The following IL1RAPL2 variants were observed in gnomAD, a reference collection of about 807,000 sequenced individuals.
IL1RAPL2 encodes the protein interleukin 1 receptor accessory protein like 2, also known as X-linked interleukin-1 receptor accessory protein-like 2.
IL1RAPL2 carries 3 observed loss-of-function variants against 44.1 expected under a neutral mutation model. That is an observed-to-expected ratio of 0.07 (90% CI 0.03 to 0.18). The LOEUF (loss-of-function observed/expected upper bound fraction) is 0.18. Ranked by LOEUF, IL1RAPL2 falls within the 10% of genes least tolerant of loss-of-function variation. IL1RAPL2 has a pLI of 1.00. For synonymous variants in IL1RAPL2, 181 were observed against 178.8 expected (o/e 1.01, Z -0.10); for missense variants, 391 against 496.4 (o/e 0.79, Z 2.02).
intron 2 of IL1RAPL2, among the ~76,000 whole-genome samples, chrX:104,769,124 T>G (rs1569311296): frequency 9.0e-6 from 1 of 111,718 alleles, no homozygotes; most frequent in Non-Finnish European, 1.9e-5. Context: ...TTCCCTAACA[T>G]TCCTTCCAGG....
intron 2 of IL1RAPL2, among the ~76,000 whole-genome samples, chrX:104,991,419 T>C: frequency 9.0e-6 from 1 of 110,592 alleles, no homozygotes; most frequent in Non-Finnish European, 1.9e-5. Context: ...AAAATTGAGA[T>C]AATAAGCAGA....
chrX:105,753,515 G>A (rs1404049082), intron 9 of IL1RAPL2, among the ~76,000 whole-genome samples: 1 of 111,385 alleles, frequency 9.0e-6, no homozygotes, highest in Non-Finnish European at 1.9e-5. Flanking sequence ...AGTAATTATA[G>A]CTGGAGAAAG....
intron 6 of IL1RAPL2, among the ~76,000 whole-genome samples, chrX:105,643,512 C>T (rs190722472): frequency 1.7e-3 from 192 of 111,808 alleles, no homozygotes; most frequent in Non-Finnish European, 3.1e-3. Flanking sequence ...AGAAACAATA[C>T]CACAGGCTGA....
chrX:105,727,935 G>T (rs957499021), intron 7 of IL1RAPL2, among the ~76,000 whole-genome samples: 1 of 111,329 alleles, frequency 9.0e-6, no homozygotes, highest in Non-Finnish European at 1.9e-5. Flanking sequence ...AAAGTACAGA[G>T]TTCCCACATT....
chrX:105,560,512 G>A (rs1260619571), intron 6 of IL1RAPL2, among the ~76,000 whole-genome samples: 1 of 111,008 alleles, frequency 9.0e-6, no homozygotes, highest in African/African-American at 3.3e-5. Flanking sequence ...TCTGCCACCC[G>A]GGTTCAAGTG....
intron 5 of IL1RAPL2, chrX:105,406,798 G>A (rs1358324985): frequency 8.6e-7 from 1 of 1,169,226 alleles, no homozygotes; most frequent in African/African-American, 1.8e-5. Context: ...TTTAGAAGGT[G>A]CTAATCTGAA....
chrX:105,036,863 A>C (rs1343050345), intron 2 of IL1RAPL2, among the ~76,000 whole-genome samples: 1 of 111,961 alleles, frequency 8.9e-6, no homozygotes, highest in Non-Finnish European at 1.9e-5. Flanking sequence ...AGGGATAAAA[A>C]CCAAAGCTCA....
At chrX:105,444,430 G>A (rs1311668318) in intron 5 of IL1RAPL2, among the ~76,000 whole-genome samples, 1 of 110,813 alleles carries the variant, frequency 9.0e-6, no homozygotes. Context: ...CCAATGTCCT[G>A]GAGACTTTCC....
chrX:105,583,139 G>GTTT (rs779253494), intron 6 of IL1RAPL2, among the ~76,000 whole-genome samples: 3 of 97,914 alleles, frequency 3.1e-5, no homozygotes, highest in African/African-American at 3.7e-5. Flanking sequence ...AATTTTTTTT[G>GTTT]TTTTTTTTTT....
intron 6 of IL1RAPL2, among the ~76,000 whole-genome samples, chrX:105,683,507 CCA>C (rs1464477434): frequency 9.4e-6 from 1 of 106,298 alleles, no homozygotes; most frequent in Non-Finnish European, 1.9e-5. Flanking sequence ...TAAAAATTCC[CCA>C]GTTTCAATTT....
chrX:104,612,094 A>C (rs1215242769), intron 1 of IL1RAPL2, among the ~76,000 whole-genome samples: 1 of 111,636 alleles, frequency 9.0e-6, no homozygotes, highest in African/African-American at 3.3e-5. Flanking sequence ...TTGAACCTTC[A>C]TTGGGTGTAT....
chrX:105,609,533 T>A lies in IL1RAPL2; in HGVS notation c.773-107834T>A, dbSNP rs1272367318. ...ATATATTTCCATCTTTGTTAAGTTT[T>A]AGTTTTTCCTTTTTAAGTGCATGGA... is the stretch of plus-strand genomic sequence containing the variant. On this transcript the variant is annotated intron_variant, in intron 6 of 10. Coordinates refer to ENST00000372582, the MANE Select transcript of IL1RAPL2 (RefSeq NM_017416.2). 4.5e-5 allele frequency among the ~76,000 whole-genome samples: 5 copies of A among 112,135 alleles called. 1 individual carries two copies. Among genetic ancestry groups the A allele is most frequent in the African/African-American group, 1.6e-4 (5 of 30,857 alleles).
At chrX:105,651,956 T>C (rs1252755320) in intron 6 of IL1RAPL2, among the ~76,000 whole-genome samples, 1 of 112,047 alleles carries the variant, frequency 8.9e-6, no homozygotes. Context: ...TCATATAATC[T>C]ATAAACTTTT....
intron 2 of IL1RAPL2, among the ~76,000 whole-genome samples, chrX:105,160,190 T>C (rs1332487995): frequency 1.8e-5 from 2 of 110,644 alleles, no homozygotes; most frequent in Non-Finnish European, 3.8e-5. Flanking sequence ...TGAGAATCCA[T>C]ATAACTGATG....
chrX:104,726,151 C>T (rs780427854), intron 2 of IL1RAPL2, among the ~76,000 whole-genome samples: 1 of 111,443 alleles, frequency 9.0e-6, no homozygotes, highest in East Asian at 2.8e-4. Context: ...AATCCTTTCC[C>T]CCATTTCTTG....
chrX:105,372,280 A>G (rs1317061284), intron 5 of IL1RAPL2, among the ~76,000 whole-genome samples: 5 of 109,557 alleles, frequency 4.6e-5, no homozygotes, highest in Non-Finnish European at 9.5e-5. Flanking sequence ...TACTAAAAAT[A>G]TAAAAATTAG....
At position 104,566,750 on chromosome X, in the gene IL1RAPL2, C is replaced by T. The variant is rs960727534; in HGVS notation, c.-321C>T. 8.8e-6 allele frequency: 1 copy of T among 113,207 alleles called. No individual in the cohort carries two copies. Among genetic ancestry groups the T allele is most frequent in the Non-Finnish European group, 1.9e-5 (1 of 53,441 alleles). The allele number at this position is 113,207 out of a possible 1,213,427, so 9.3% of individuals were successfully genotyped here. A position where few individuals can be genotyped will look rare whatever the true frequency, so the allele number is the denominator to read the frequency against. ...AGTAATTTAGAAACCCTCCTTAACT[C>T]TCCCTTTCCAGCTCTCCCCAAAGTC... On this transcript the variant is annotated 5_prime_UTR_variant, in exon 1 of 11. Coordinates refer to ENST00000372582, the MANE Select transcript of IL1RAPL2 (RefSeq NM_017416.2).
chrX:105,501,185 C>T (rs1251933244), intron 6 of IL1RAPL2, among the ~76,000 whole-genome samples: 1 of 111,803 alleles, frequency 8.9e-6, no homozygotes, highest in Non-Finnish European at 1.9e-5. Context: ...AATGAAAAAA[C>T]AAGTGAATAA....
At chrX:105,145,790 A>G (rs2033174231) in intron 2 of IL1RAPL2, among the ~76,000 whole-genome samples, 1 of 111,306 alleles carries the variant, frequency 9.0e-6, no homozygotes, top group Non-Finnish European at 1.9e-5. Context: ...TATCCTAAAA[A>G]ATCCAATCTC....
Sources: gnomAD v4.1 joint callset for allele counts (sites outside exome capture counted in the v4.1 genomes callset) on GRCh38, gnomAD v4.1.1 for gene constraint, MANE v1.5 for transcripts, NCBI Gene and HGNC (gene_info 2026-07-23, HGNC 2026-07-21) for gene names.